Variants in MOB1B observed in about 807,000 individuals in gnomAD.
The protein encoded by MOB1B is MOB1 Mps One Binder homolog B.
Under a neutral mutation model 24.4 loss-of-function variants are expected in MOB1B, and 19 were observed. The ratio of observed to expected loss-of-function variants is 0.78; its 90% CI spans 0.54 to 1.14. The LOEUF is 1.14. MOB1B is among the 50% of genes most tolerant of loss of function. The probability of loss-of-function intolerance (pLI) is 0.00; values close to 1 mark genes in which losing one functional copy is unlikely to be tolerated. For synonymous variants in MOB1B, 76 were observed against 82.1 expected (o/e 0.93, Z 0.40); for missense variants, 243 against 259.6 (o/e 0.94, Z 0.44).
At chr4:70,915,927 C>A (rs1578347380) in intron 1 of MOB1B, among the ~76,000 whole-genome samples, 1 of 151,842 alleles carries the variant, frequency 6.6e-6, no homozygotes, top group African/African-American at 2.4e-5. Context: ...GGTCTCTAGG[C>A]GAGAGGAAAT....
chr4:70,952,869 C>T (rs1366191335), intron 1 of MOB1B, among the ~76,000 whole-genome samples: 2 of 148,046 alleles, frequency 1.4e-5, no homozygotes, highest in African/African-American at 5.0e-5. Flanking sequence ...CTGATGAGGA[C>T]TTCTGTGTAC....
rs529796572 is a variant in MOB1B at position 70,942,051 on chromosome 4, G to A, written c.15-16823G>A. ...TATTCAGATTATGCATCAGAAGTAT[G>A]CTTTGGCAACTCTCATTTAAATCCT... is the stretch of plus-strand genomic sequence containing the variant. On this transcript the variant is annotated intron_variant, in intron 1 of 5. Coordinates refer to ENST00000309395, the MANE Select transcript of MOB1B (RefSeq NM_173468.4). Among the ~76,000 whole-genome samples the A allele has an allele frequency of 5.3e-5, 8 of 152,192 alleles. No homozygotes were observed. The South Asian group carries it at 1.7e-3, about 32-fold the overall frequency.
At chr4:70,906,602 A>T (rs1735759368) in intron 1 of MOB1B, among the ~76,000 whole-genome samples, 1 of 152,188 alleles carries the variant, frequency 6.6e-6, no homozygotes. Flanking sequence ...AGATTAGGAT[A>T]ATCCCCAGAG....
chr4:70,930,405 G>T (rs1210528450), intron 1 of MOB1B, among the ~76,000 whole-genome samples: 3 of 151,974 alleles, frequency 2.0e-5, no homozygotes, highest in Admixed American at 1.3e-4. Flanking sequence ...CTATGCCAGG[G>T]TTTTTAGTTT....
chr4:70,926,875 T>C (rs1736678600), intron 1 of MOB1B, among the ~76,000 whole-genome samples: 2 of 151,938 alleles, frequency 1.3e-5, no homozygotes, highest in South Asian at 4.2e-4. Flanking sequence ...TGGGCGCCTG[T>C]AGTCCCATCT....
intron 1 of MOB1B, among the ~76,000 whole-genome samples, chr4:70,951,159 G>A (rs111971281): frequency 0.013 from 1,963 of 152,112 alleles, 36 homozygotes; most frequent in African/African-American, 0.045. Flanking sequence ...AAAAATAGGG[G>A]TAATACAACA....
Position 70,902,372 on chromosome 4 carries a change from G to A in MOB1B, c.-165G>A. ...ACTTCCGCCCCCTCCCCCTGCCATTGGAACTAGCTGAGCCGAACTAGTTGC... is the reference window on the plus strand; with the variant it reads ...ACTTCCGCCCCCTCCCCCTGCCATTAGAACTAGCTGAGCCGAACTAGTTGC... On this transcript the variant is annotated 5_prime_UTR_variant, in exon 1 of 6. Coordinates refer to ENST00000309395, the MANE Select transcript of MOB1B (RefSeq NM_173468.4). 1 of 717,134 alleles carries A rather than the reference G, an allele frequency of 1.4e-6. No individual in the cohort carries two copies. The allele number at this position is 717,134 out of a possible 1,614,324, so 44.4% of individuals were successfully genotyped here.
intron 2 of MOB1B, among the ~76,000 whole-genome samples, chr4:70,960,442 C>T (rs1320464625): frequency 2.0e-5 from 3 of 152,018 alleles, no homozygotes; most frequent in Non-Finnish European, 4.4e-5. Context: ...TCATTGAAAG[C>T]ATACACAAAA....
In MOB1B at chr4:70,902,520, C is replaced by T. The variant is rs754345472; in HGVS notation, c.-17C>T. ...GGCCTCGCGACCGCCGAGCCTGCAG[C>T]CTGCCCCGCGGCCAACATGAGCTTC... On this transcript the variant is annotated 5_prime_UTR_variant, in exon 1 of 6. Transcript: ENST00000309395. The T allele has an allele frequency of 4.5e-5, 71 of 1,563,136 alleles. No homozygotes were observed. The highest frequency in any genetic ancestry group is 5.9e-5 in the Non-Finnish European group (68 of 1,154,286).
At chr4:70,949,099 A>G (rs1026330262) in intron 1 of MOB1B, among the ~76,000 whole-genome samples, 1 of 152,210 alleles carries the variant, frequency 6.6e-6, no homozygotes, top group African/African-American at 2.4e-5. Context: ...TCTACTGGGC[A>G]TATCTATGCT....
At chr4:70,934,653 A>C (rs1183825024) in intron 1 of MOB1B, among the ~76,000 whole-genome samples, 2 of 151,822 alleles carry the variant, frequency 1.3e-5, no homozygotes, top group African/African-American at 4.8e-5. Context: ...ACAGGGTTTC[A>C]CCATGTTGGC....
chr4:70,938,280 C>G (rs1371745848), intron 1 of MOB1B, among the ~76,000 whole-genome samples: 2 of 121,652 alleles, frequency 1.6e-5, no homozygotes, highest in Non-Finnish European at 3.2e-5. Context: ...ATTATCTTTT[C>G]AGGTCCTTAT....
At chr4:70,959,336 C>T (rs1401894542) in intron 2 of MOB1B, among the ~76,000 whole-genome samples, 2 of 152,112 alleles carry the variant, frequency 1.3e-5, no homozygotes, top group African/African-American at 4.8e-5. Flanking sequence ...CAGCCTCTAG[C>T]GTAGCTGGGA....
intron 1 of MOB1B, among the ~76,000 whole-genome samples, chr4:70,955,590 C>A (rs1273955810): frequency 6.6e-6 from 1 of 150,824 alleles, no homozygotes; most frequent in African/African-American, 2.4e-5. Flanking sequence ...CCTGCCTCAG[C>A]CTCCAGAGTA....
At chr4:70,950,744 T>C in intron 1 of MOB1B, 1 of 1,533,676 alleles carries the variant, frequency 6.5e-7, no homozygotes, top group Non-Finnish European at 8.7e-7. Context: ...TTAACAAGTA[T>C]TTATCGAATA....
intron 1 of MOB1B, 92 bp from the exon 2 acceptor site, chr4:70,958,782 C>A: frequency 8.8e-7 from 1 of 1,130,712 alleles, no homozygotes; most frequent in Non-Finnish European, 1.3e-6. Flanking sequence ...GGGATTTAAG[C>A]CAATACAGTT....
chr4:70,941,190 A>G (rs1183451777), intron 1 of MOB1B, among the ~76,000 whole-genome samples: 1 of 148,306 alleles, frequency 6.7e-6, no homozygotes, highest in Non-Finnish European at 1.5e-5. Context: ...TCTATGCCAT[A>G]CACACACAGT....
intron 1 of MOB1B, among the ~76,000 whole-genome samples, chr4:70,931,207 G>A (rs1203974559): frequency 1.3e-5 from 2 of 152,156 alleles, no homozygotes; most frequent in African/African-American, 4.8e-5. Context: ...AGGGGAGAAT[G>A]AAATTAGCTT....
At chr4:70,913,296 G>C (rs113375319) in intron 1 of MOB1B, among the ~76,000 whole-genome samples, 8 of 151,548 alleles carry the variant, frequency 5.3e-5, no homozygotes, top group African/African-American at 1.5e-4. Context: ...ATGTATGTAT[G>C]TATGTATCTA....
Sources: allele counts gnomAD v4.1 joint callset (sites outside exome capture counted in the v4.1 genomes callset), GRCh38; gene constraint gnomAD v4.1.1; transcripts MANE v1.5; gene names NCBI Gene and HGNC (gene_info 2026-07-23, HGNC 2026-07-21).